CCDC33: variants seen among roughly 807,000 people sequenced by gnomAD.
CCDC33 encodes coiled-coil domain containing 33, also known as coiled-coil domain-containing protein 33.
A neutral mutation model predicts 91.9 loss-of-function variants in CCDC33; 94 were observed. The ratio of observed to expected loss-of-function variants is 1.02; its 90% confidence interval spans 0.87 to 1.21. The LOEUF is 1.21. Among genes scored for constraint, CCDC33 ranks in the 50% most tolerant of loss-of-function variants. The probability of loss-of-function intolerance (pLI) is 0.00; values close to 1 mark genes in which losing one functional copy is unlikely to be tolerated. For synonymous variants in CCDC33, 396 were observed against 374.5 expected (o/e 1.06, Z -0.66); for missense variants, 940 against 935.5 (o/e 1.00, Z -0.06).
At chr15:74,209,539 G>C in intron 2 of CCDC33, 1 of 1,128,430 alleles carries the variant, frequency 8.9e-7, no homozygotes, top group Non-Finnish European at 1.2e-6. Flanking sequence ...TTCCAGGTAT[G>C]ATCTATTCCC....
chr15:74,268,483 G>A (rs756525907), intron 5 of CCDC33, 25 bp downstream of exon 5: 6 of 1,429,598 alleles, frequency 4.2e-6, no homozygotes, highest in Non-Finnish European at 4.8e-6. Context: ...GCCCTCTGGG[G>A]TGGTGGTGGG....
At chr15:74,241,644 G>C (rs2075351864) in intron 1 of CCDC33, among the ~76,000 whole-genome samples, 1 of 152,210 alleles carries the variant, frequency 6.6e-6, no homozygotes, top group Non-Finnish European at 1.5e-5. Context: ...ATCTGTAAAG[G>C]CTCACTCTGG....
intron 2 of CCDC33, among the ~76,000 whole-genome samples, chr15:74,250,204 C>G (rs2075661621): frequency 6.6e-6 from 1 of 152,220 alleles, no homozygotes; most frequent in East Asian, 1.9e-4. Context: ...GGTTCCTCTA[C>G]TCTTGCTCCC....
At position 74,271,718 on chromosome 15, in the gene CCDC33, G is replaced by A; in HGVS notation, c.562G>A (p.Val188Ile). 1.2e-6 allele frequency: 2 copies of A among 1,613,570 alleles called. No individual in the cohort carries two copies. The highest frequency in any genetic ancestry group is 1.7e-6 in the Non-Finnish European group (2 of 1,179,566). ...TCCTCTCCAGATCTTTCTCCGGGGAGTCAACGAGCCCCTGGCCAACAACCC... is the reference window on the plus strand; with the variant it reads ...TCCTCTCCAGATCTTTCTCCGGGGAATCAACGAGCCCCTGGCCAACAACCC... ...HMALEIFLRG[V>I]NEPLANNPNP... The change falls in exon 6 of 19, where the codon GTC (valine) becomes ATC (isoleucine). Residue 188 changes from valine (V) to isoleucine (I), a missense_variant. Coordinates refer to ENST00000398814, the MANE Select transcript of CCDC33 (RefSeq NM_025055.5).
intron 16 of CCDC33, 85 bp from the exon 17 acceptor site, chr15:74,333,796 C>T (rs2060493557): frequency 5.3e-6 from 6 of 1,136,098 alleles, no homozygotes; most frequent in Non-Finnish European, 7.7e-6. Flanking sequence ...TGACTGGTTT[C>T]TTCCTCAATA....
chr15:74,316,947 G>A lies in CCDC33; in HGVS notation c.1291-13242G>A, dbSNP rs1212801880. Among the ~76,000 whole-genome samples, 1 of 152,178 alleles carries A rather than the reference G, an allele frequency of 6.6e-6. No homozygotes were observed. The highest frequency in any genetic ancestry group is 1.5e-5 in the Non-Finnish European group (1 of 68,040). On this transcript the variant is annotated intron_variant, in intron 11 of 18. Transcript: ENST00000398814. This position sits in a 1 kb window ranked among gnomAD's most constrained non-coding sequence, Gnocchi z 4.7. Reference sequence around the variant, plus strand: ...AGTCACACAGCTGCTTAGTAACAGAGCCCACTATCTTTCCACTTCACCAGG... The same window carrying A: ...AGTCACACAGCTGCTTAGTAACAGAACCCACTATCTTTCCACTTCACCAGG...
chr15:74,267,366 T>C (rs1382192959), intron 4 of CCDC33, among the ~76,000 whole-genome samples: 1 of 152,148 alleles, frequency 6.6e-6, no homozygotes, highest in Non-Finnish European at 1.5e-5. Context: ...GGGGGGTACA[T>C]GGAATAAAGC....
At chr15:74,317,195 TA>T (rs922260544) in intron 11 of CCDC33, among the ~76,000 whole-genome samples, 26 of 151,994 alleles carry the variant, frequency 1.7e-4, no homozygotes, top group African/African-American at 6.0e-4. Context: ...CAGTCTCTAC[TA>T]AAAAAATACA....
At chr15:74,280,889 G>T in intron 9 of CCDC33, 88 bp downstream of exon 9, 2 of 1,269,686 alleles carry the variant, frequency 1.6e-6, no homozygotes, top group Non-Finnish European at 2.0e-6. Context: ...CACCTCCATA[G>T]GAGAATTTGG....
chr15:74,213,527 T>A (rs1263148580), upstream of CCDC33: 2 of 152,252 alleles, frequency 1.3e-5, no homozygotes, highest in African/African-American at 4.8e-5. Flanking sequence ...GTGTACATGT[T>A]AATAAGGTGT....
chr15:74,320,153 C>T (rs1382250092), intron 11 of CCDC33, among the ~76,000 whole-genome samples: 1 of 152,134 alleles, frequency 6.6e-6, no homozygotes, highest in Non-Finnish European at 1.5e-5. Flanking sequence ...TCTAGAAACT[C>T]CTGTGACTCC....
intron 3 of CCDC33, among the ~76,000 whole-genome samples, chr15:74,263,074 T>A (rs1250181045): frequency 2.0e-5 from 3 of 152,240 alleles, no homozygotes; most frequent in Non-Finnish European, 4.4e-5. Flanking sequence ...TTTGATTTTT[T>A]AAAAAATATT....
chr15:74,262,194 C>T (rs1428249730), intron 2 of CCDC33, among the ~76,000 whole-genome samples: 1 of 152,202 alleles, frequency 6.6e-6, no homozygotes, highest in African/African-American at 2.4e-5. Flanking sequence ...TGCCCTGAGC[C>T]TCTCTAAGTG....
intron 2 of CCDC33, among the ~76,000 whole-genome samples, chr15:74,259,681 G>A (rs375411890): frequency 6.0e-4 from 91 of 152,270 alleles, no homozygotes; most frequent in African/African-American, 2.1e-3. Context: ...GCCTTGCCCC[G>A]TCACCTTTAC....
chr15:74,308,464 G>T (rs2142726065), intron 11 of CCDC33, among the ~76,000 whole-genome samples: 1 of 152,002 alleles, frequency 6.6e-6, no homozygotes, highest in South Asian at 2.1e-4. Flanking sequence ...CAGATAAAAT[G>T]CTCATTCATC....
intron 1 of CCDC33, among the ~76,000 whole-genome samples, chr15:74,238,762 T>C (rs2075258685): frequency 6.6e-6 from 1 of 152,186 alleles, no homozygotes; most frequent in African/African-American, 2.4e-5. Context: ...GATACTCAGA[T>C]TATGAGTTCA....
chr15:74,299,261 C>T (rs567701428), intron 11 of CCDC33, among the ~76,000 whole-genome samples: 28 of 152,326 alleles, frequency 1.8e-4, no homozygotes, highest in African/African-American at 6.7e-4. Context: ...GTCCCTCTAC[C>T]CTCCCTCTTG....
chr15:74,235,822 T>C (rs2075135821), upstream of CCDC33, among the ~76,000 whole-genome samples: 1 of 152,242 alleles, frequency 6.6e-6, no homozygotes, highest in Non-Finnish European at 1.5e-5. Flanking sequence ...TTTTCAATAA[T>C]GTAATGAATT....
At chr15:74,231,419 A>C (rs1373119719), upstream of CCDC33, among the ~76,000 whole-genome samples, 1 of 152,186 alleles carries the variant, frequency 6.6e-6, no homozygotes, top group African/African-American at 2.4e-5. Context: ...ACACCACCTC[A>C]ATCTCCTTTG....
Sources: allele counts gnomAD v4.1 joint callset (sites outside exome capture counted in the v4.1 genomes callset), GRCh38; gene constraint gnomAD v4.1.1; non-coding constraint Gnocchi (gnomAD v3.1); transcripts MANE v1.5; gene names NCBI Gene and HGNC (gene_info 2026-07-23, HGNC 2026-07-21).